The following TMEM132C variants were observed in gnomAD, a reference collection of about 807,000 sequenced individuals.
TMEM132C encodes the protein transmembrane protein 132C, also known as protein phosphatase 1, regulatory subunit 152.
Under a neutral mutation model 61.4 loss-of-function variants are expected in TMEM132C, and 29 were observed. The ratio of observed to expected loss-of-function variants is 0.47; its 90% CI spans 0.35 to 0.64. TMEM132C has a LOEUF of 0.64. Ranked by LOEUF, TMEM132C falls within the 30% of genes least tolerant of loss-of-function variation. The pLI, the probability that TMEM132C is intolerant of heterozygous loss-of-function variation, is 0.00. For missense variants in TMEM132C, 1,408 were observed against 1,476.9 expected, an observed-to-expected ratio of 0.95 and a Z score of 0.76; for synonymous variants, 656 against 633.1, an observed-to-expected ratio of 1.04 and a Z score of -0.54.
At chr12:128,651,718 G>T (rs937518966) in intron 4 of TMEM132C, among the ~76,000 whole-genome samples, 2 of 152,162 alleles carry the variant, frequency 1.3e-5, no homozygotes, top group African/African-American at 4.8e-5. Context: ...ATGGGAATGG[G>T]GGGTGAAGGA....
intron 4 of TMEM132C, among the ~76,000 whole-genome samples, chr12:128,647,363 T>C (rs1273174431): frequency 2.7e-5 from 4 of 148,208 alleles, no homozygotes; most frequent in Admixed American, 2.7e-4. Context: ...GTTTACTAGA[T>C]CCCATCAGCA....
chr12:128,443,032 G>T (rs1349960356), intron 2 of TMEM132C, among the ~76,000 whole-genome samples: 3 of 152,126 alleles, frequency 2.0e-5, no homozygotes, highest in Non-Finnish European at 4.4e-5. Flanking sequence ...GATGCATGTG[G>T]AGTGTTTAGG....
chr12:128,532,468 A>G (rs4480608), intron 2 of TMEM132C, among the ~76,000 whole-genome samples: 24,100 of 151,108 alleles, frequency 0.16, 2,976 homozygotes, highest in African/African-American at 0.33. Context: ...ATGAAACCCC[A>G]TCTCTACTAA....
Position 128,697,366 on chromosome 12 carries a change from C to A in TMEM132C, c.2072C>A (p.Ala691Asp), listed in dbSNP as rs1273953125. 1.9e-6 allele frequency: 3 copies of A among 1,550,790 alleles called. No individual in the cohort carries two copies. The highest frequency in any genetic ancestry group is 2.4e-5 in the East Asian group (1 of 40,908). ...ALYPNAENSK[A>D]VTAVVTAEEV... ...TACCCCAACGCAGAAAACAGCAAGGCCGTAACAGCTGTGGTCACAGCTGAG... is the reference window on the plus strand; with the variant it reads ...TACCCCAACGCAGAAAACAGCAAGGACGTAACAGCTGTGGTCACAGCTGAG... The change falls in exon 8 of 9, where the codon GCC (alanine) becomes GAC (aspartate). Residue 691 changes from alanine to aspartate, a missense_variant. Coordinates refer to ENST00000435159, the MANE Select transcript of TMEM132C (RefSeq NM_001136103.3).
intron 1 of TMEM132C, among the ~76,000 whole-genome samples, chr12:128,303,010 C>G (rs771275216): frequency 3.9e-5 from 6 of 152,190 alleles, no homozygotes; most frequent in Non-Finnish European, 5.9e-5. Flanking sequence ...ATGGTATTCT[C>G]CAACCTGAGC....
intron 4 of TMEM132C, among the ~76,000 whole-genome samples, chr12:128,632,966 C>T (rs1207768951): frequency 6.6e-6 from 1 of 152,088 alleles, no homozygotes; most frequent in Non-Finnish European, 1.5e-5. Context: ...AACAATTTTC[C>T]CTGAGACACA....
At chr12:128,589,546 G>A (rs569479322) in intron 3 of TMEM132C, among the ~76,000 whole-genome samples, 403 of 119,618 alleles carry the variant, frequency 3.4e-3, no homozygotes, top group Middle Eastern at 5.3e-3. Flanking sequence ...ACCTTCTCTC[G>A]ATAGCGTCGT....
intron 3 of TMEM132C, among the ~76,000 whole-genome samples, chr12:128,574,011 C>T (rs1386155699): frequency 6.6e-6 from 1 of 151,562 alleles, no homozygotes; most frequent in East Asian, 1.9e-4. Flanking sequence ...ATTGGAAAAA[C>T]AGAATACATG....
intron 1 of TMEM132C, among the ~76,000 whole-genome samples, chr12:128,353,833 T>C (rs75362739): frequency 0.035 from 5,275 of 152,238 alleles, 189 homozygotes; most frequent in African/African-American, 0.096. Context: ...TACCAAGTGC[T>C]GAAAACAGCA....
intron 4 of TMEM132C, among the ~76,000 whole-genome samples, chr12:128,635,559 G>T (rs1954097079): frequency 1.5e-5 from 2 of 133,820 alleles, no homozygotes; most frequent in Admixed American, 7.9e-5. Context: ...AGTGTTCTTT[G>T]TGCCTTCCAA....
intron 1 of TMEM132C, among the ~76,000 whole-genome samples, chr12:128,314,588 G>A (rs1168750296): frequency 6.6e-6 from 1 of 152,116 alleles, no homozygotes; most frequent in Non-Finnish European, 1.5e-5. Context: ...GTTTCAATGA[G>A]GACATACTGG....
rs774566335 is a variant in TMEM132C, at chr12:128,570,660, C to T, written c.1121+26557C>T. On this transcript the variant is annotated intron_variant, in intron 3 of 8. Transcript: ENST00000435159. This position sits in a 1 kb window ranked among gnomAD's most constrained non-coding sequence, Gnocchi z 4.7. ...GGCTCCTTTTCTCTTTCTGCTCTGC[C>T]ATCTATGGCATGTGGTGGCTTTTCT... Among the ~76,000 whole-genome samples, 4 of 152,158 alleles carry T rather than the reference C, an allele frequency of 2.6e-5. No homozygotes were observed. Among genetic ancestry groups the T allele is most frequent in the Non-Finnish European group, 4.4e-5 (3 of 68,040 alleles).
intron 4 of TMEM132C, among the ~76,000 whole-genome samples, chr12:128,664,954 T>C (rs910676600): frequency 3.3e-5 from 5 of 151,794 alleles, no homozygotes; most frequent in Non-Finnish European, 7.4e-5. Flanking sequence ...ATCAATATCA[T>C]ACACACAGGC....
chr12:128,663,031 G>T (rs1954408603), intron 4 of TMEM132C, among the ~76,000 whole-genome samples: 1 of 151,736 alleles, frequency 6.6e-6, no homozygotes, highest in Non-Finnish European at 1.5e-5. Flanking sequence ...CCGGATCTGA[G>T]CCTGATGTGG....
chr12:128,596,141 G>A (rs1210016773), intron 3 of TMEM132C, among the ~76,000 whole-genome samples: 1 of 151,348 alleles, frequency 6.6e-6, no homozygotes, highest in African/African-American at 2.4e-5. Flanking sequence ...TGCCCCTTTC[G>A]CAGGTCCTGG....
chr12:128,291,135 C>T (rs944300406), intron 1 of TMEM132C, among the ~76,000 whole-genome samples: 2 of 152,170 alleles, frequency 1.3e-5, no homozygotes, highest in African/African-American at 2.4e-5. Flanking sequence ...CCCAAATTCT[C>T]GAGGGACATT....
At position 128,544,066 on chromosome 12, in the gene TMEM132C, G is replaced by T. The variant is rs769088890; in HGVS notation, c.1084G>T (p.Val362Leu). 6.5e-7 allele frequency: 1 copy of T among 1,544,264 alleles called. No individual in the cohort carries two copies. The highest frequency in any genetic ancestry group is 1.2e-5 in the South Asian group (1 of 82,742). ...GSGGKHVTATVACQRLGPSPR... is the reference protein window; with the variant it reads ...GSGGKHVTATLACQRLGPSPR... ...CGGCGGAAAGCACGTGACGGCCACC[G>T]TGGCCTGCCAGCGCCTGGGGCCCAG... Residue 362 changes from valine (V) to leucine (L), a missense_variant, in exon 3 of 9, where the codon GTG becomes TTG. Val to Leu is a conservative substitution (Grantham distance 32). Transcript: ENST00000435159.
At chr12:128,518,795 A>C (rs1229364476) in intron 2 of TMEM132C, among the ~76,000 whole-genome samples, 1 of 151,844 alleles carries the variant, frequency 6.6e-6, no homozygotes, top group Non-Finnish European at 1.5e-5. Context: ...ACACACCCTT[A>C]TTTCAGAAGC....
chr12:128,688,861 T>A (rs191935759), intron 5 of TMEM132C, among the ~76,000 whole-genome samples: 1 of 152,358 alleles, frequency 6.6e-6, no homozygotes, highest in Admixed American at 6.5e-5. Flanking sequence ...TGGTGCGATC[T>A]CAGCTCACTG....
Sources: gnomAD v4.1 joint callset for allele counts (sites outside exome capture counted in the v4.1 genomes callset) on GRCh38, gnomAD v4.1.1 for gene constraint, Gnocchi (gnomAD v3.1) non-coding constraint, MANE v1.5 for transcripts, NCBI Gene and HGNC (gene_info 2026-07-23, HGNC 2026-07-21) for gene names.